Variants in COL1A1 observed in about 807,000 individuals in gnomAD.
COL1A1 encodes the protein collagen type I alpha 1 chain, also known as collagen alpha-1(I) chain.
Under a neutral mutation model 195.7 loss-of-function variants are expected in COL1A1, and 21 were observed. The observed-to-expected ratio is 0.11, with a 90% CI of 0.08 to 0.15. The LOEUF (loss-of-function observed/expected upper bound fraction) is 0.15, where lower values mean the gene tolerates loss of function less well. Among genes scored for constraint, COL1A1 ranks in the 10% least tolerant of loss-of-function variants. COL1A1 has a pLI of 1.00. For synonymous variants in COL1A1, 749 were observed against 747.3 expected, an observed-to-expected ratio of 1.00 and a Z score of -0.04; for missense variants, 1,365 against 2,051.0, an observed-to-expected ratio of 0.67 and a Z score of 6.46.
In COL1A1 at chr17:50,188,189, A is replaced by T; in HGVS notation, c.3208-40T>A. The T allele has an allele frequency of 6.6e-7, 1 of 1,517,546 alleles. No homozygotes were observed. Among genetic ancestry groups the T allele is most frequent in the Non-Finnish European group, 8.9e-7 (1 of 1,124,938 alleles). 94.0% of individuals were successfully genotyped at this position (1,517,546 alleles called of 1,614,324 possible). ...GAAAGCATGAGCTCTTGGCCAGGGA[A>T]GGCTGAGGCTGGGGCTGCAGGATGA... On this transcript the variant is annotated intron_variant, in intron 43 of 50. Coordinates refer to ENST00000225964, the MANE Select transcript of COL1A1 (RefSeq NM_000088.4). This position sits in a 1 kb window ranked among gnomAD's most constrained non-coding sequence, Gnocchi z 5.6.
chr17:50,195,700 C>T lies in COL1A1; in HGVS notation c.1057-35G>A, dbSNP rs1366477671. The T allele has an allele frequency of 6.2e-6, 10 of 1,603,308 alleles. No individual in the cohort carries two copies. Among genetic ancestry groups the T allele is most frequent in the Non-Finnish European group, 8.5e-6 (10 of 1,172,452 alleles). On this transcript the variant is annotated intron_variant, in intron 16 of 50. Coordinates refer to ENST00000225964, the MANE Select transcript of COL1A1 (RefSeq NM_000088.4). This position sits in a 1 kb window ranked among gnomAD's most constrained non-coding sequence, Gnocchi z 4.3. ...AAGAAAGGACATATCAGAAGCCACC[C>T]TGGGAAACCCAACCTTGCCTCTCGG...
intron 1 of COL1A1, chr17:50,200,270 C>CG (rs1299192992): frequency 5.1e-6 from 2 of 391,932 alleles, no homozygotes; most frequent in Non-Finnish European, 9.7e-6. Context: ...AGGGGGAGGG[C>CG]GGGGGGAGAA....
Position 50,195,472 on chromosome 17 carries a change from G to A in COL1A1, c.1162C>T (p.Pro388Ser). Residue 388 changes from proline (P) to serine (S), a missense_variant, in exon 18 of 51, where the codon CCT becomes TCT. By Grantham distance (74) the Pro-to-Ser change is moderately conservative. This residue lies in a region of COL1A1 where 226 missense variants were observed against 372.9 expected (regional missense o/e 0.61). Coordinates refer to ENST00000225964, the MANE Select transcript of COL1A1 (RefSeq NM_000088.4). This position sits in a 1 kb window ranked among gnomAD's most constrained non-coding sequence, Gnocchi z 4.3. ...GCACCAGGCTGTCCATCAGCACCAG[G>A]GTTTCCCTGTGGCACAGAGAAAGGA... ...PAGAAGPAGN[P>S]GADGQPGAKG... is the part of the protein sequence containing the mutation. 1 of 1,614,118 alleles carries A rather than the reference G, an allele frequency of 6.2e-7. No individual in the cohort carries two copies. The highest frequency in any genetic ancestry group is 1.3e-5 in the African/African-American group (1 of 75,004).
chr17:50,191,981 C>T lies in COL1A1; in HGVS notation c.2027G>A (p.Arg676Lys). The change falls in exon 30 of 51, where the codon AGA becomes AAA. Residue 676 changes from arginine (R) to lysine (K), a missense_variant and splice_region_variant. Around this residue, in one of 5 missense-constraint regions of COL1A1, gnomAD observed 671 missense variants for 1,099.9 expected, o/e 0.61. Transcript: ENST00000225964. ...ATGCAGCGAGAGAGGCCTACTTACT[C>T]TTGCTCCAGAGGGGCCAGGGGCGCC... ...DLGAPGPSGA[R>K]GERGFPGERG... The T allele has an allele frequency of 5.0e-6, 8 of 1,612,396 alleles. No homozygotes were observed. The highest frequency in any genetic ancestry group is 6.8e-6 in the Non-Finnish European group (8 of 1,179,436).
intron 2 of COL1A1, 57 bp from the exon 3 acceptor site, chr17:50,199,647 G>T (rs1017841853): frequency 6.2e-7 from 1 of 1,612,884 alleles, no homozygotes. Context: ...GCTCCCGTCG[G>T]CAGAGGCCTC....
intron 32 of COL1A1, 146 bp from the exon 33 acceptor site, chr17:50,191,070 A>G (rs1309461346): frequency 1.2e-6 from 1 of 837,442 alleles, no homozygotes; most frequent in East Asian, 2.7e-5. Flanking sequence ...TCTTTCAGGA[A>G]AAAGGGTGCC....
In COL1A1 at chr17:50,190,412, C is replaced by T. The variant is rs376449554; in HGVS notation, c.2398-32G>A. 5 of 1,601,788 alleles carry T rather than the reference C, an allele frequency of 3.1e-6. No individual in the cohort carries two copies. Among genetic ancestry groups the T allele is most frequent in the African/African-American group, 1.3e-5 (1 of 74,502 alleles). The stretch of plus-strand genomic sequence containing the variant: ...GAAAAGGAGTCAGATTGGAGAGATG[C>T]GCTGACAGGAGGGAAGGCGGGGATG... On this transcript the variant is annotated intron_variant, in intron 34 of 50. Coordinates refer to ENST00000225964, the MANE Select transcript of COL1A1 (RefSeq NM_000088.4). This position sits in a 1 kb window ranked among gnomAD's most constrained non-coding sequence, Gnocchi z 4.7.
rs937878292 is a variant in COL1A1, at chr17:50,184,564, A to T, written c.*938T>A. 3 of 230,680 alleles carry T rather than the reference A, an allele frequency of 1.3e-5. No individual in the cohort carries two copies. Among genetic ancestry groups the T allele is most frequent in the Admixed American group, 5.7e-5 (1 of 17,646 alleles). 14.3% of individuals were successfully genotyped at this position (230,680 alleles called of 1,614,324 possible). On this transcript the variant is annotated 3_prime_UTR_variant, in exon 51 of 51. Coordinates refer to ENST00000225964, the MANE Select transcript of COL1A1 (RefSeq NM_000088.4). ...ATTTGCTGGCCTGGGGGGGCATCTCAATTTCTATAGCACCAGTGATTCCCT... is the reference window on the plus strand; with the variant it reads ...ATTTGCTGGCCTGGGGGGGCATCTCTATTTCTATAGCACCAGTGATTCCCT...
At position 50,199,429 on chromosome 17, in the gene COL1A1, G is replaced by T. The variant is rs762979302; in HGVS notation, c.358C>A (p.Arg120=). The T allele has an allele frequency of 1.9e-6, 3 of 1,614,066 alleles. No individual in the cohort carries two copies. The highest frequency in any genetic ancestry group is 2.5e-6 in the Non-Finnish European group (3 of 1,179,948). The part of the protein sequence containing the change: ...VEGPKGDTGP[R]GPRGPAGPPG... ...AGTGCAACGCTTACCCTTGGGCCTCGGGGGCCAGTGTCTCCCTTGGGTCCC... is the reference window on the plus strand; with the variant it reads ...AGTGCAACGCTTACCCTTGGGCCTCTGGGGCCAGTGTCTCCCTTGGGTCCC... The change falls in exon 4 of 51, where the codon CGA becomes AGA. Residue 120 remains arginine, a synonymous_variant. Coordinates refer to ENST00000225964, the MANE Select transcript of COL1A1 (RefSeq NM_000088.4).
At position 50,189,041 on chromosome 17, in the gene COL1A1, T is replaced by C. The variant is rs1192355629; in HGVS notation, c.2938-31A>G. ...GGAGAAGAAAGAGTCAGGCCAGAGA[T>C]AGGGTCTGGGAGGACCCTTGAGTCC... On this transcript the variant is annotated intron_variant, in intron 40 of 50. Transcript: ENST00000225964. The surrounding 1 kb of genome is among the most constrained non-coding windows in gnomAD (Gnocchi z 5.5). 30 of 1,591,160 alleles carry C rather than the reference T, an allele frequency of 1.9e-5. No individual in the cohort carries two copies. The highest frequency in any genetic ancestry group is 2.5e-5 in the Non-Finnish European group (29 of 1,159,408).
In COL1A1 at chr17:50,193,032, C is replaced by A. The variant is rs376047287; in HGVS notation, c.1783G>T (p.Ala595Ser). 30 of 1,613,868 alleles carry A rather than the reference C, an allele frequency of 1.9e-5. No individual in the cohort carries two copies. In the African/African-American group the frequency reaches 2.9e-4, roughly 16 times the overall value. ...PKGAAGEPGK[A>S]GERGVPGPPG... is the part of the protein sequence containing the mutation. ...GGTCCGGGAACACCTCGCTCTCCAG[C>A]CTTGCCGGGCTCTCCCTGTGGAGAA... The change falls in exon 26 of 51, where the codon GCT (alanine) becomes TCT (serine). Residue 595 changes from alanine to serine, a missense_variant. Ala to Ser is a moderately conservative substitution (Grantham distance 99, BLOSUM62 1). Around this residue, in one of 5 missense-constraint regions of COL1A1, gnomAD observed 671 missense variants for 1,099.9 expected, o/e 0.61. Coordinates refer to ENST00000225964, the MANE Select transcript of COL1A1 (RefSeq NM_000088.4).
At chr17:50,199,389 C>G in intron 4 of COL1A1, 29 bp downstream of exon 4, 1 of 1,612,728 alleles carries the variant, frequency 6.2e-7, no homozygotes, top group Non-Finnish European at 8.5e-7. Context: ...CCACCTGCAG[C>G]CCCCCACAGC....
At chr17:50,199,699 GC>G in intron 2 of COL1A1, 53 bp downstream of exon 2, 1 of 1,138 alleles carries the variant, frequency 8.8e-4, no homozygotes, top group Non-Finnish European at 1.1e-3. Flanking sequence ...CCCAGCCCCA[GC>G]CCCAGGCCCC....
chr17:50,186,586 G>C lies in COL1A1; in HGVS notation c.3814+54C>G. The C allele has an allele frequency of 6.2e-7, 1 of 1,613,600 alleles. No individual in the cohort carries two copies. Among genetic ancestry groups the C allele is most frequent in the Non-Finnish European group, 8.5e-7 (1 of 1,179,846 alleles). On this transcript the variant is annotated intron_variant, in intron 48 of 50. Transcript: ENST00000225964. This position sits in a 1 kb window ranked among gnomAD's most constrained non-coding sequence, Gnocchi z 5.3. ...ATGGTAGGGGCACATATGGGCATGG[G>C]GACCCTGGCATGGCAGGAGTAGGAG...
rs768947449 is a variant in COL1A1, at chr17:50,199,771, C to T, written c.280G>A (p.Val94Ile). Residue 94 changes from valine to isoleucine, a missense_variant, in exon 2 of 51, where the codon GTC (valine) becomes ATC (isoleucine). Val to Ile is a conservative substitution (Grantham distance 29). This residue lies in a region of COL1A1 where 194 missense variants were observed against 221.7 expected (regional missense o/e 0.88). Transcript: ENST00000225964. ...GCCGCACCTGAGCCGTCGGGGCAGACGGGACAGCACTCGCCCTCGGGGACT... is the reference window on the plus strand; with the variant it reads ...GCCGCACCTGAGCCGTCGGGGCAGATGGGACAGCACTCGCCCTCGGGGACT... ...AEVPEGECCP[V>I]CPDGSESPTD... 7 of 1,612,964 alleles carry T rather than the reference C, an allele frequency of 4.3e-6. No homozygotes were observed. Among genetic ancestry groups the T allele is most frequent in the Non-Finnish European group, 5.9e-6 (7 of 1,179,868 alleles).
chr17:50,189,305 A>C lies in COL1A1; in HGVS notation c.2830-30T>G. 6.2e-7 allele frequency: 1 copy of C among 1,613,774 alleles called. No homozygotes were observed. Among genetic ancestry groups the C allele is most frequent in the African/African-American group, 1.3e-5 (1 of 75,000 alleles). The stretch of plus-strand genomic sequence containing the variant: ...GGGAGGCAAACAGGGGTGAGGTGCC[A>C]GAGAGCAGCACAGGGACCCCTCCCC... On this transcript the variant is annotated intron_variant, in intron 39 of 50. Transcript: ENST00000225964. This position sits in a 1 kb window ranked among gnomAD's most constrained non-coding sequence, Gnocchi z 5.5.
Position 50,195,736 on chromosome 17 carries a change from G to T in COL1A1, c.1057-71C>A. On this transcript the variant is annotated intron_variant, in intron 16 of 50. Coordinates refer to ENST00000225964, the MANE Select transcript of COL1A1 (RefSeq NM_000088.4). This position sits in a 1 kb window ranked among gnomAD's most constrained non-coding sequence, Gnocchi z 4.3. ...AACCTTGCCTCTCGGGATGGCAGGA[G>T]GAAGGGGAGACAGGGACAGGAGAGC... 1 of 1,482,886 alleles carries T rather than the reference G, an allele frequency of 6.7e-7. No individual in the cohort carries two copies. Among genetic ancestry groups the T allele is most frequent in the Non-Finnish European group, 9.3e-7 (1 of 1,071,808 alleles). 91.9% of individuals were successfully genotyped at this position (1,482,886 alleles called of 1,614,324 possible).
intron 11 of COL1A1, 117 bp downstream of exon 11, chr17:50,196,893 G>A: frequency 7.9e-7 from 1 of 1,264,392 alleles, no homozygotes; most frequent in African/African-American, 1.5e-5. Context: ...TGTCCCTTGG[G>A]ACTTCTGTAG....
At position 50,189,777 on chromosome 17, in the gene COL1A1, C is replaced by G; in HGVS notation, c.2614-45G>C. ...GAACAGTCAGAGGGAGAACAGCCAA[C>G]TCATCCGACCCAGCTGCCCTCACCT... On this transcript the variant is annotated intron_variant, in intron 37 of 50. Coordinates refer to ENST00000225964, the MANE Select transcript of COL1A1 (RefSeq NM_000088.4). This position sits in a 1 kb window ranked among gnomAD's most constrained non-coding sequence, Gnocchi z 5.5. 3 of 1,612,940 alleles carry G rather than the reference C, an allele frequency of 1.9e-6. No individual in the cohort carries two copies. Among genetic ancestry groups the G allele is most frequent in the Non-Finnish European group, 2.5e-6 (3 of 1,179,276 alleles).
Sources: gnomAD v4.1 joint callset for allele counts on GRCh38, gnomAD v4.1.1 for gene constraint, gnomAD v4.1.1 regional missense constraint, Gnocchi (gnomAD v3.1) non-coding constraint, MANE v1.5 for transcripts, NCBI Gene and HGNC (gene_info 2026-07-23, HGNC 2026-07-21) for gene names.